CEP164: variants seen among roughly 807,000 people sequenced by gnomAD.
CEP164 encodes centrosomal protein 164, also known as centrosomal protein of 164 kDa.
In CEP164, 162 loss-of-function variants were observed where a neutral mutation model predicts 182.7. That is an observed-to-expected ratio of 0.89 (90% CI 0.78 to 1.01). The LOEUF (loss-of-function observed/expected upper bound fraction) is 1.01. CEP164 is among the 50% of genes least tolerant of loss of function. The pLI is 0.00. For synonymous variants in CEP164, 661 were observed against 690.0 expected (o/e 0.96, Z 0.66); for missense variants, 1,735 against 1,790.4 (o/e 0.97, Z 0.56).
Position 117,387,190 on chromosome 11 carries a change from C to G in CEP164, c.1725-13C>G. On this transcript the variant is annotated splice_polypyrimidine_tract_variant and intron_variant, in intron 14 of 32. Coordinates refer to ENST00000278935, the MANE Select transcript of CEP164 (RefSeq NM_014956.5). ...TAACCCTGTGATGATATGCCATTCC[C>G]CACCCATGGTAGGCGATCCACAGAG... 6.2e-7 allele frequency: 1 copy of G among 1,612,896 alleles called. No homozygotes were observed. Among genetic ancestry groups the G allele is most frequent in the Non-Finnish European group, 8.5e-7 (1 of 1,179,108 alleles).
intron 11 of CEP164, 83 bp downstream of exon 11, chr11:117,375,874 C>A: frequency 8.3e-7 from 1 of 1,208,252 alleles, no homozygotes; most frequent in Non-Finnish European, 1.2e-6. Flanking sequence ...TGAGCCCTGC[C>A]CATCACAGGG....
At chr11:117,335,114 C>G (rs2036867932) in intron 1 of CEP164, among the ~76,000 whole-genome samples, 1 of 152,120 alleles carries the variant, frequency 6.6e-6, no homozygotes, top group African/African-American at 2.4e-5. Context: ...GGCAGTGGGC[C>G]CCATCTGCCA....
At chr11:117,382,697 C>A in intron 13 of CEP164, 99 bp from the exon 14 acceptor site, 1 of 1,418,090 alleles carries the variant, frequency 7.1e-7, no homozygotes, top group Non-Finnish European at 9.6e-7. Flanking sequence ...GGCTGTCTCT[C>A]TTGTCTCTGT....
At chr11:117,324,581 T>C (rs2035363973), upstream of CEP164, among the ~76,000 whole-genome samples, 1 of 152,328 alleles carries the variant, frequency 6.6e-6, no homozygotes, top group African/African-American at 2.4e-5. Context: ...CCTGATAAAA[T>C]GCAAATTGTT....
intron 3 of CEP164, among the ~76,000 whole-genome samples, chr11:117,339,483 T>C (rs114103011): frequency 0.011 from 1,593 of 151,596 alleles, 31 homozygotes; most frequent in African/African-American, 0.037. Flanking sequence ...TTTTAAGCAC[T>C]TTGCATGTAT....
intron 1 of CEP164, among the ~76,000 whole-genome samples, chr11:117,328,560 C>T (rs1016928596): frequency 1.6e-4 from 25 of 152,222 alleles, no homozygotes; most frequent in African/African-American, 5.8e-4. Flanking sequence ...CGCACTCCAT[C>T]TCTTGCGTTA....
intron 8 of CEP164, among the ~76,000 whole-genome samples, chr11:117,365,047 A>G (rs1195632435): frequency 6.6e-6 from 1 of 152,214 alleles, no homozygotes; most frequent in Non-Finnish European, 1.5e-5. Context: ...TGAAATGACA[A>G]CTTTATTTTC....
intron 3 of CEP164, among the ~76,000 whole-genome samples, chr11:117,339,270 G>A (rs909131851): frequency 6.6e-6 from 1 of 152,126 alleles, no homozygotes; most frequent in African/African-American, 2.4e-5. Flanking sequence ...CTCTCCGGTT[G>A]TTTACAGAAA....
In CEP164 at chr11:117,373,827, G is replaced by T; in HGVS notation, c.1229G>T (p.Gly410Val). 1 of 1,613,942 alleles carries T rather than the reference G, an allele frequency of 6.2e-7. No individual in the cohort carries two copies. The highest frequency in any genetic ancestry group is 8.5e-7 in the Non-Finnish European group (1 of 1,179,850). The change falls in exon 10 of 33, where the codon GGC (glycine) becomes GTC (valine). Residue 410 changes from glycine (G) to valine (V), a missense_variant. By Grantham distance (109) the Gly-to-Val change is moderately radical. Coordinates refer to ENST00000278935, the MANE Select transcript of CEP164 (RefSeq NM_014956.5). ...SIASDPKSFH[G>V]LDFGFRSRIS... ...GCTTCTGACCCCAAGTCCTTCCATG[G>T]CCTGGTGAGTTTGAGATGAGGGCAG...
chr11:117,344,401 G>A (rs979105974), intron 4 of CEP164, 124 bp downstream of exon 4: 1 of 628,030 alleles, frequency 1.6e-6, no homozygotes, highest in Non-Finnish European at 2.8e-6. Context: ...GGACAGTACT[G>A]TGCCACCCCT....
At position 117,390,846 on chromosome 11, in the gene CEP164, G is replaced by A. The variant is rs770655243; in HGVS notation, c.2004G>A (p.Gln668=). Residue 668 remains glutamine, a synonymous_variant, in exon 16 of 33, where the codon CAG becomes CAA. Coordinates refer to ENST00000278935, the MANE Select transcript of CEP164 (RefSeq NM_014956.5). ...EEARMREEES[Q]RLSWLRAQVQ... ...CCCGGATGAGAGAGGAGGAAAGCCA[G>A]AGGCTATCCTGGCTCCGAGCTCAGG... 1.2e-6 allele frequency: 2 copies of A among 1,613,812 alleles called. No homozygotes were observed.
intron 30 of CEP164, chr11:117,410,181 A>G: frequency 1.5e-6 from 1 of 670,740 alleles, no homozygotes. Context: ...CCCTGCAGCC[A>G]GGAGTTCTAT....
intron 27 of CEP164, among the ~76,000 whole-genome samples, chr11:117,404,151 C>T (rs908828336): frequency 1.3e-5 from 2 of 152,120 alleles, no homozygotes; most frequent in African/African-American, 4.8e-5. Flanking sequence ...AAGCCTATTT[C>T]TGTCAGTTCG....
chr11:117,392,432 C>T, intron 18 of CEP164, 64 bp from the exon 19 acceptor site: 2 of 1,582,018 alleles, frequency 1.3e-6, no homozygotes, highest in Non-Finnish European at 1.7e-6. Flanking sequence ...AACACATCCC[C>T]ACACAGCAGC....
At chr11:117,330,508 G>C (rs2036032617) in intron 1 of CEP164, among the ~76,000 whole-genome samples, 1 of 152,190 alleles carries the variant, frequency 6.6e-6, no homozygotes. Context: ...AATTAGCCGG[G>C]CGTGGTGGCA....
At chr11:117,395,313 C>A in intron 23 of CEP164, 122 bp downstream of exon 23, 1 of 1,252,740 alleles carries the variant, frequency 8.0e-7, no homozygotes, top group Non-Finnish European at 1.1e-6. Context: ...ACTCTGTTGG[C>A]CAGTATTCCA....
intron 1 of CEP164, among the ~76,000 whole-genome samples, chr11:117,335,127 C>T (rs1057374710): frequency 6.6e-6 from 1 of 152,168 alleles, no homozygotes; most frequent in East Asian, 1.9e-4. Flanking sequence ...ATCTGCCACC[C>T]GGGTTCCTGG....
Position 117,393,137 on chromosome 11 carries a change from C to G in CEP164, c.2616+11C>G, listed in dbSNP as rs760739226. 8 of 1,611,184 alleles carry G rather than the reference C, an allele frequency of 5.0e-6. No individual in the cohort carries two copies. The highest frequency in any genetic ancestry group is 1.7e-5 in the Admixed American group (1 of 59,928). On this transcript the variant is annotated intron_variant, in intron 20 of 32. Transcript: ENST00000278935. Reference sequence around the variant, plus strand: ...CAGTATGAAGCTGAGGTAGCTCAGCCACATCCCCTGCGCGCATGCACACAC... The same window carrying G: ...CAGTATGAAGCTGAGGTAGCTCAGCGACATCCCCTGCGCGCATGCACACAC...
At chr11:117,358,296 C>A (rs61903742) in intron 5 of CEP164, among the ~76,000 whole-genome samples, 7 of 152,148 alleles carry the variant, frequency 4.6e-5, no homozygotes, top group Non-Finnish European at 1.0e-4. Context: ...CTCCACTAAT[C>A]GCTGATTTGG....
Sources: gnomAD v4.1 joint callset for allele counts (sites outside exome capture counted in the v4.1 genomes callset) on GRCh38, gnomAD v4.1.1 for gene constraint, MANE v1.5 for transcripts, NCBI Gene and HGNC (gene_info 2026-07-23, HGNC 2026-07-21) for gene names.